BRINP3: variants seen among roughly 807,000 people sequenced by gnomAD.
BRINP3 encodes BMP/retinoic acid-inducible neural-specific protein 3.
In BRINP3, 19 loss-of-function variants were observed where a neutral mutation model predicts 71.0. The observed-to-expected ratio is 0.27, with a 90% CI of 0.19 to 0.39. The LOEUF (loss-of-function observed/expected upper bound fraction) is 0.39. Ranked by LOEUF, BRINP3 falls within the 10% of genes least tolerant of loss-of-function variation. BRINP3 has a pLI of 1.00. For missense variants in BRINP3, 959 were observed against 940.8 expected (o/e 1.02, Z -0.25); for synonymous variants, 380 against 337.7 (o/e 1.13, Z -1.37).
At chr1:190,448,440 C>G (rs992771821) in intron 2 of BRINP3, among the ~76,000 whole-genome samples, 11 of 147,486 alleles carry the variant, frequency 7.5e-5, no homozygotes, top group Non-Finnish European at 1.5e-4. Flanking sequence ...AATCTTTTTT[C>G]TTAACACCCC....
chr1:190,357,593 C>A (rs1192001449), intron 2 of BRINP3, among the ~76,000 whole-genome samples: 1 of 151,880 alleles, frequency 6.6e-6, no homozygotes, highest in Non-Finnish European at 1.5e-5. Context: ...AGTTTGAAGT[C>A]AGGTAGCATG....
At chr1:190,267,613 C>T (rs749900132) in intron 3 of BRINP3, among the ~76,000 whole-genome samples, 16 of 151,624 alleles carry the variant, frequency 1.1e-4, no homozygotes, top group South Asian at 2.1e-4. Context: ...AGAGTGGAAA[C>T]GATAAACACA....
intron 3 of BRINP3, among the ~76,000 whole-genome samples, chr1:190,279,526 G>A (rs1662878634): frequency 6.6e-6 from 1 of 151,876 alleles, no homozygotes; most frequent in Non-Finnish European, 1.5e-5. Flanking sequence ...CAAGGATATG[G>A]CTGATCTCTT....
chr1:190,322,644 C>G (rs547460337), intron 2 of BRINP3, among the ~76,000 whole-genome samples: 3 of 151,930 alleles, frequency 2.0e-5, no homozygotes, highest in African/African-American at 7.3e-5. Context: ...TTTGACAAAC[C>G]CTTGCCAAAG....
At chr1:190,202,770 G>T (rs1655119340) in intron 6 of BRINP3, among the ~76,000 whole-genome samples, 1 of 152,072 alleles carries the variant, frequency 6.6e-6, no homozygotes, top group Non-Finnish European at 1.5e-5. Flanking sequence ...GATGTTACTT[G>T]CTCCTCCTTG....
At chr1:190,344,313 TAGAG>T (rs1024479018) in intron 2 of BRINP3, among the ~76,000 whole-genome samples, 3 of 151,820 alleles carry the variant, frequency 2.0e-5, no homozygotes, top group Middle Eastern at 3.2e-3. Context: ...AGTAAAGTGA[TAGAG>T]AGAGGCTGAG....
Position 190,270,448 on chromosome 1 carries a change from T to G in BRINP3, c.428-5393A>C, listed in dbSNP as rs543802179. On this transcript the variant is annotated intron_variant, in intron 3 of 7. Transcript: ENST00000367462. ...ATCATGTTTGTAAAAATAAGTGACT[T>G]AAGAACACATTATTTTGAATGTAAA... 6.6e-5 allele frequency among the ~76,000 whole-genome samples: 10 copies of G among 151,770 alleles called. No homozygotes were observed. In the South Asian group the frequency reaches 2.1e-3, roughly 31 times the overall value.
At chr1:190,328,202 A>G (rs999486828) in intron 2 of BRINP3, among the ~76,000 whole-genome samples, 6 of 152,260 alleles carry the variant, frequency 3.9e-5, no homozygotes, top group Middle Eastern at 3.4e-3. Context: ...AGAAATAACT[A>G]AAATCGGAGT....
chr1:190,292,693 T>C (rs1018502823), intron 2 of BRINP3, among the ~76,000 whole-genome samples: 25 of 152,220 alleles, frequency 1.6e-4, no homozygotes, highest in African/African-American at 4.3e-4. Flanking sequence ...CTATTTTTGA[T>C]GGGAGAAATT....
chr1:190,370,131 G>GT (rs1571881304), intron 2 of BRINP3, among the ~76,000 whole-genome samples: 1 of 152,012 alleles, frequency 6.6e-6, no homozygotes, highest in African/African-American at 2.4e-5. Context: ...TTTCATCCCC[G>GT]TAACATTTTC....
chr1:190,177,771 T>C (rs1318136421), intron 6 of BRINP3, among the ~76,000 whole-genome samples: 3 of 152,174 alleles, frequency 2.0e-5, no homozygotes, highest in African/African-American at 7.2e-5. Flanking sequence ...TGATGCAATC[T>C]CAAACAAATT....
At chr1:190,441,331 A>G (rs1010888738) in intron 2 of BRINP3, among the ~76,000 whole-genome samples, 1 of 152,066 alleles carries the variant, frequency 6.6e-6, no homozygotes, top group African/African-American at 2.4e-5. Context: ...CATCCTTGCA[A>G]TAAAACGTGA....
chr1:190,130,031 A>G (rs1018423439), intron 7 of BRINP3, among the ~76,000 whole-genome samples: 23 of 151,998 alleles, frequency 1.5e-4, no homozygotes, highest in African/African-American at 4.8e-4. Context: ...AATTTAGTAG[A>G]ACCTTATATA....
chr1:190,182,331 T>C (rs1653099846), intron 6 of BRINP3, among the ~76,000 whole-genome samples: 1 of 152,126 alleles, frequency 6.6e-6, no homozygotes, highest in Non-Finnish European at 1.5e-5. Flanking sequence ...GTTGGATCTT[T>C]TGTTAGAGTA....
intron 2 of BRINP3, among the ~76,000 whole-genome samples, chr1:190,296,066 GTT>G (rs200148039): frequency 2.9e-4 from 36 of 124,362 alleles, no homozygotes; most frequent in Admixed American, 2.1e-3. Context: ...TGCTTTTGTG[GTT>G]TTTTTTTTGG....
chr1:190,159,730 C>A (rs879533014), intron 7 of BRINP3, among the ~76,000 whole-genome samples: 6 of 151,574 alleles, frequency 4.0e-5, no homozygotes, highest in Non-Finnish European at 7.4e-5. Context: ...TAATCCATTC[C>A]TTTTTGAGGC....
intron 2 of BRINP3, among the ~76,000 whole-genome samples, chr1:190,403,057 C>G (rs942774370): frequency 6.6e-6 from 1 of 152,166 alleles, no homozygotes; most frequent in African/African-American, 2.4e-5. Context: ...AAAGGCACTA[C>G]ATTCACAAAG....
At chr1:190,282,710 C>A (rs1359367679) in intron 2 of BRINP3, among the ~76,000 whole-genome samples, 1 of 151,842 alleles carries the variant, frequency 6.6e-6, no homozygotes, top group Admixed American at 6.6e-5. Context: ...CTGATGAGAC[C>A]CACACTGTCC....
At chr1:190,290,910 CGTGT>C (rs898766164) in intron 2 of BRINP3, among the ~76,000 whole-genome samples, 3 of 149,284 alleles carry the variant, frequency 2.0e-5, no homozygotes, top group East Asian at 3.9e-4. Flanking sequence ...TGTGTGTGCA[CGTGT>C]GTGTGTGTGT....
Sources: allele counts gnomAD v4.1 joint callset (sites outside exome capture counted in the v4.1 genomes callset), GRCh38; gene constraint gnomAD v4.1.1; transcripts MANE v1.5; gene names NCBI Gene and HGNC (gene_info 2026-07-23, HGNC 2026-07-21).